Variants in NRG3 observed in about 807,000 individuals in gnomAD.
The protein encoded by NRG3 is pro-neuregulin-3, membrane-bound isoform.
A neutral mutation model predicts 66.9 loss-of-function variants in NRG3; 31 were observed. The ratio of observed to expected loss-of-function variants is 0.46; its 90% CI spans 0.35 to 0.63. NRG3 has a LOEUF of 0.63. Among genes scored for constraint, NRG3 ranks in the 20% least tolerant of loss-of-function variants. The pLI is 0.00. For missense variants in NRG3, 910 were observed against 878.9 expected (o/e 1.04, Z -0.45); for synonymous variants, 393 against 359.4 (o/e 1.09, Z -1.06).
Position 82,138,627 on chromosome 10 carries a change from T to C in NRG3, c.824-220112T>C, listed in dbSNP as rs983855781. The stretch of plus-strand genomic sequence containing the variant: ...CAAGGTAAAGTCCCACGATAGGCCA[T>C]CTGCAAGTCGAGGAGCAAGGAATTC... On this transcript the variant is annotated intron_variant, in intron 1 of 8. Transcript: ENST00000372141. Among the ~76,000 whole-genome samples, 12 of 152,254 alleles carry C rather than the reference T, an allele frequency of 7.9e-5. No homozygotes were observed. The South Asian group carries it at 1.7e-3, about 21-fold the overall frequency.
chr10:82,306,703 T>TAAAAAAA (rs71009805), intron 1 of NRG3, among the ~76,000 whole-genome samples: 1 of 35,882 alleles, frequency 2.8e-5, no homozygotes, highest in Non-Finnish European at 5.0e-5. Context: ...GACTCCGTCT[T>TAAAAAAA]AAAAAAAAAA....
intron 2 of NRG3, among the ~76,000 whole-genome samples, chr10:82,716,095 A>C (rs1219424677): frequency 1.3e-5 from 2 of 152,224 alleles, no homozygotes; most frequent in Non-Finnish European, 2.9e-5. Context: ...ATACACACAG[A>C]AAATGAACTT....
chr10:82,348,759 G>A (rs1040368909), intron 1 of NRG3, among the ~76,000 whole-genome samples: 10 of 151,292 alleles, frequency 6.6e-5, no homozygotes, highest in African/African-American at 2.4e-4. Flanking sequence ...TGGAGGCTTT[G>A]CTCATTTCTT....
intron 2 of NRG3, among the ~76,000 whole-genome samples, chr10:82,414,198 C>T (rs1173769023): frequency 2.0e-5 from 3 of 152,090 alleles, no homozygotes; most frequent in Non-Finnish European, 4.4e-5. Context: ...TGTGACTCTT[C>T]CTTTTGCTTG....
intron 6 of NRG3, among the ~76,000 whole-genome samples, chr10:82,961,658 T>C (rs970994860): frequency 9.2e-5 from 14 of 152,330 alleles, no homozygotes; most frequent in African/African-American, 3.1e-4. Context: ...GTAGCGGTCA[T>C]TGGCGCTGAT....
intron 1 of NRG3, among the ~76,000 whole-genome samples, chr10:82,231,888 T>G (rs1160342685): frequency 1.3e-5 from 2 of 152,220 alleles, no homozygotes; most frequent in African/African-American, 2.4e-5. Context: ...ATTGGATTAA[T>G]AGTTTCTGAA....
rs182007712 is a variant in NRG3, at chr10:82,189,745, G to A, written c.824-168994G>A. 3.4e-3 allele frequency among the ~76,000 whole-genome samples: 519 copies of A among 151,942 alleles called. 2 individuals carry two copies. The highest frequency in any genetic ancestry group is 0.012 in the African/African-American group (485 of 41,442). On this transcript the variant is annotated intron_variant, in intron 1 of 8. Transcript: ENST00000372141. The stretch of plus-strand genomic sequence containing the variant: ...GTGGAGGTTGCAGTGAGCCGAGATC[G>A]CACCACTGCACTCCAGCCTGGGTGA...
intron 3 of NRG3, among the ~76,000 whole-genome samples, chr10:82,862,706 G>A (rs112534149): frequency 1.3e-3 from 192 of 152,114 alleles, no homozygotes; most frequent in African/African-American, 4.4e-3. Flanking sequence ...CAATACTTTC[G>A]CTTTGATATA....
intron 1 of NRG3, among the ~76,000 whole-genome samples, chr10:82,142,961 G>A (rs1335520884): frequency 2.1e-5 from 3 of 144,902 alleles, no homozygotes; most frequent in African/African-American, 7.7e-5. Context: ...TAGAGACAGA[G>A]TCTCACTATA....
chr10:82,071,699 A>G (rs2064815269), intron 1 of NRG3, among the ~76,000 whole-genome samples: 2 of 152,124 alleles, frequency 1.3e-5, no homozygotes. Context: ...ATGAAGTGAC[A>G]TTATTTTACT....
At chr10:82,131,972 A>T (rs1442118377) in intron 1 of NRG3, among the ~76,000 whole-genome samples, 1 of 152,100 alleles carries the variant, frequency 6.6e-6, no homozygotes, top group East Asian at 1.9e-4. Flanking sequence ...AGATTATATC[A>T]TCTGCAAGCA....
chr10:82,548,547 ACACACACACACACG>A (rs930291872), intron 2 of NRG3, among the ~76,000 whole-genome samples: 2 of 151,644 alleles, frequency 1.3e-5, no homozygotes, highest in African/African-American at 4.9e-5. Context: ...ACACACACAC[ACACACACACACACG>A]CACACGCACA....
chr10:82,435,749 G>T (rs1030552975), intron 2 of NRG3, among the ~76,000 whole-genome samples: 2 of 146,736 alleles, frequency 1.4e-5, no homozygotes, highest in Non-Finnish European at 3.0e-5. Flanking sequence ...CCATGAAATT[G>T]TGTGGTTTTG....
intron 1 of NRG3, among the ~76,000 whole-genome samples, chr10:82,250,280 T>C (rs1216646127): frequency 6.6e-6 from 1 of 152,192 alleles, no homozygotes. Context: ...TTTATTTTTG[T>C]GCTTGGCTTT....
chr10:82,162,083 G>T (rs1167569200), intron 1 of NRG3, among the ~76,000 whole-genome samples: 2 of 152,074 alleles, frequency 1.3e-5, no homozygotes, highest in Non-Finnish European at 2.9e-5. Flanking sequence ...TGTTTCACTA[G>T]AATAGATTCT....
chr10:82,942,875 T>A (rs1002841145), intron 4 of NRG3, among the ~76,000 whole-genome samples: 53 of 152,324 alleles, frequency 3.5e-4, no homozygotes, highest in Admixed American at 1.8e-3. Flanking sequence ...AGAGGTCTGC[T>A]TGTATTACAT....
intron 2 of NRG3, among the ~76,000 whole-genome samples, chr10:82,496,045 T>A (rs1843600913): frequency 6.6e-6 from 1 of 152,210 alleles, no homozygotes; most frequent in Non-Finnish European, 1.5e-5. Context: ...GAATATGAAC[T>A]CAGATATGGT....
At chr10:82,730,801 G>A (rs1248559242) in intron 2 of NRG3, among the ~76,000 whole-genome samples, 1 of 152,146 alleles carries the variant, frequency 6.6e-6, no homozygotes, top group Non-Finnish European at 1.5e-5. Flanking sequence ...TCCGTGATGA[G>A]TGGCTGGGGA....
At chr10:82,227,679 G>A (rs1275163110) in intron 1 of NRG3, among the ~76,000 whole-genome samples, 1 of 152,112 alleles carries the variant, frequency 6.6e-6, no homozygotes, top group Non-Finnish European at 1.5e-5. Context: ...AAGTGGAGAA[G>A]TTTCAATAAA....
Sources: gnomAD v4.1 joint callset for allele counts (sites outside exome capture counted in the v4.1 genomes callset) on GRCh38, gnomAD v4.1.1 for gene constraint, MANE v1.5 for transcripts, NCBI Gene and HGNC (gene_info 2026-07-23, HGNC 2026-07-21) for gene names.